NKD1: variants seen among roughly 807,000 people sequenced by gnomAD.
The protein encoded by NKD1 is NKD inhibitor of Wnt signaling pathway 1.
A neutral mutation model predicts 56.0 loss-of-function variants in NKD1; 21 were observed. That is an observed-to-expected ratio of 0.38 (90% CI 0.27 to 0.54). The LOEUF (loss-of-function observed/expected upper bound fraction) is 0.54, where lower values mean the gene tolerates loss of function less well. Among genes scored for constraint, NKD1 ranks in the 20% least tolerant of loss-of-function variants. The probability of loss-of-function intolerance (pLI) is 0.82; values close to 1 mark genes in which losing one functional copy is unlikely to be tolerated. For synonymous variants in NKD1, 263 were observed against 265.7 expected (o/e 0.99, Z 0.10); for missense variants, 578 against 642.7 (o/e 0.90, Z 1.09).
At chr16:50,624,249 C>T (rs1392835503) in intron 5 of NKD1, among the ~76,000 whole-genome samples, 1 of 152,124 alleles carries the variant, frequency 6.6e-6, no homozygotes, top group Non-Finnish European at 1.5e-5. Context: ...GAGCCCTTTC[C>T]TGCTGAACAG....
chr16:50,552,472 G>A (rs1960410936), intron 3 of NKD1: 1 of 152,226 alleles, frequency 6.6e-6, no homozygotes, highest in Admixed American at 6.5e-5. Context: ...CTTCCTTCCT[G>A]ATGAGGTCTG....
chr16:50,570,496 A>G (rs561878829), intron 3 of NKD1, among the ~76,000 whole-genome samples: 4 of 152,340 alleles, frequency 2.6e-5, no homozygotes, highest in African/African-American at 9.6e-5. Context: ...GCCAGGACCG[A>G]TTCAGATGCT....
intron 3 of NKD1, among the ~76,000 whole-genome samples, chr16:50,591,905 G>A (rs1438417836): frequency 1.3e-5 from 2 of 152,242 alleles, no homozygotes; most frequent in Admixed American, 6.5e-5. Context: ...GTGGCTGCCC[G>A]GGGATAGGCA....
At chr16:50,594,409 A>G (rs976986612) in intron 3 of NKD1, among the ~76,000 whole-genome samples, 10 of 152,206 alleles carry the variant, frequency 6.6e-5, no homozygotes, top group Admixed American at 4.6e-4. Context: ...CGCGTAGTTC[A>G]GGGGAGAGCC....
chr16:50,611,523 G>T (rs915247362), intron 4 of NKD1, among the ~76,000 whole-genome samples: 11 of 152,170 alleles, frequency 7.2e-5, no homozygotes, highest in Non-Finnish European at 1.2e-4. Context: ...AGCCCGTGGG[G>T]TGGTCTCTGC....
chr16:50,583,547 C>A (rs1254231307), intron 3 of NKD1, among the ~76,000 whole-genome samples: 1 of 152,164 alleles, frequency 6.6e-6, no homozygotes, highest in African/African-American at 2.4e-5. Flanking sequence ...GCACAACTGC[C>A]CAGCTGAGGC....
At chr16:50,624,913 G>A (rs1962175157) in intron 5 of NKD1, among the ~76,000 whole-genome samples, 1 of 152,230 alleles carries the variant, frequency 6.6e-6, no homozygotes, top group African/African-American at 2.4e-5. Context: ...CTGAGGGCAT[G>A]TGGGTGGGGC....
intron 3 of NKD1, chr16:50,607,078 G>C (rs988833955): frequency 4.4e-6 from 2 of 455,386 alleles, no homozygotes; most frequent in Admixed American, 2.4e-5. Flanking sequence ...AAGTAGCCTG[G>C]TTTTGAAGTA....
chr16:50,560,452 T>C (rs147900844), intron 3 of NKD1, among the ~76,000 whole-genome samples: 322 of 152,356 alleles, frequency 2.1e-3, no homozygotes, highest in African/African-American at 7.2e-3. Context: ...CTCAGAGCAC[T>C]GTTATGAGGC....
intron 3 of NKD1, among the ~76,000 whole-genome samples, chr16:50,590,251 C>T (rs766265594): frequency 7.9e-5 from 12 of 152,212 alleles, no homozygotes; most frequent in Non-Finnish European, 5.9e-5. Flanking sequence ...GGCTTAACCT[C>T]ATCTCCCCAT....
At chr16:50,584,367 G>A (rs1283836342) in intron 3 of NKD1, among the ~76,000 whole-genome samples, 1 of 152,180 alleles carries the variant, frequency 6.6e-6, no homozygotes, top group African/African-American at 2.4e-5. Flanking sequence ...CAGTGTGGGA[G>A]GGCTCCCCCA....
Position 50,590,821 on chromosome 16 carries a change from G to T in NKD1, c.193-17473G>T, listed in dbSNP as rs529081549. Among the ~76,000 whole-genome samples the T allele has an allele frequency of 2.7e-3, 398 of 149,084 alleles. 1 individual carries two copies. Among genetic ancestry groups the T allele is most frequent in the African/African-American group, 8.8e-3 (341 of 38,866 alleles). ...GCCATTAGCATTAAGCCTTTTTTTTGTTGTTGTTGTTGTTGAGATGGAGTC... is the reference window on the plus strand; with the variant it reads ...GCCATTAGCATTAAGCCTTTTTTTTTTTGTTGTTGTTGTTGAGATGGAGTC... On this transcript the variant is annotated intron_variant, in intron 3 of 9. Coordinates refer to ENST00000268459, the MANE Select transcript of NKD1 (RefSeq NM_033119.5).
intron 3 of NKD1, among the ~76,000 whole-genome samples, chr16:50,596,206 A>G (rs1961469181): frequency 6.6e-6 from 1 of 152,032 alleles, no homozygotes; most frequent in African/African-American, 2.4e-5. Context: ...GTCTGGGTGG[A>G]CCAAAGTCTG....
intron 3 of NKD1, among the ~76,000 whole-genome samples, chr16:50,561,393 T>TA (rs10692410): frequency 0.13 from 18,473 of 140,956 alleles, 1,751 homozygotes; most frequent in African/African-American, 0.28. Flanking sequence ...TCTACTGCTG[T>TA]AAAAAAAAAA....
chr16:50,625,137 C>G (rs1051447333), intron 5 of NKD1: 1 of 334,378 alleles, frequency 3.0e-6, no homozygotes, highest in African/African-American at 2.1e-5. Flanking sequence ...CCCAAATTGC[C>G]GCTCCTTTGC....
Position 50,645,678 on chromosome 16 carries a change from G to A in NKD1, c.*11897G>A, listed in dbSNP as rs964224367. On this transcript the variant is annotated 3_prime_UTR_variant, in exon 10 of 10. Transcript: ENST00000268459. ...GGAGGCTCTCTTGGTAGGATCCCAC[G>A]GCAACCGAATGGATGCACGTTGTTT... 3.3e-5 allele frequency: 5 copies of A among 152,126 alleles called. No homozygotes were observed. Among genetic ancestry groups the A allele is most frequent in the Admixed American group, 6.5e-5 (1 of 15,278 alleles). 9.4% of individuals were successfully genotyped at this position (152,126 alleles called of 1,614,324 possible).
intron 3 of NKD1, among the ~76,000 whole-genome samples, chr16:50,561,864 G>T (rs1442311943): frequency 1.3e-5 from 2 of 152,160 alleles, no homozygotes; most frequent in African/African-American, 4.8e-5. Context: ...GAGAGTAGGT[G>T]GTCTCTTGCA....
At position 50,548,503 on chromosome 16, in the gene NKD1, C is replaced by T. The variant is rs1036767702; in HGVS notation, c.-51C>T. ...GGAGAGCCAAGGGAGGCGCCAGGCCCGCGGGCCGGGCGCATGGCTTAGGGA... is the reference window on the plus strand; with the variant it reads ...GGAGAGCCAAGGGAGGCGCCAGGCCTGCGGGCCGGGCGCATGGCTTAGGGA... On this transcript the variant is annotated 5_prime_UTR_variant, in exon 1 of 10. Transcript: ENST00000268459. The T allele has an allele frequency of 1.1e-5, 15 of 1,411,614 alleles. No individual in the cohort carries two copies. The African/African-American group carries it at 1.4e-4, about 13-fold the overall frequency. 87.4% of individuals were successfully genotyped at this position (1,411,614 alleles called of 1,614,324 possible).
intron 4 of NKD1, among the ~76,000 whole-genome samples, chr16:50,620,270 C>T (rs1046683098): frequency 2.6e-5 from 4 of 152,276 alleles, no homozygotes; most frequent in African/African-American, 9.6e-5. Context: ...GGGGCATCTC[C>T]ACTGTGCCTG....
Sources: allele counts gnomAD v4.1 joint callset (sites outside exome capture counted in the v4.1 genomes callset), GRCh38; gene constraint gnomAD v4.1.1; transcripts MANE v1.5; gene names NCBI Gene and HGNC (gene_info 2026-07-23, HGNC 2026-07-21).